PLCH1: variants seen among roughly 807,000 people sequenced by gnomAD.
The protein encoded by PLCH1 is phospholipase C eta 1, also known as 1-phosphatidylinositol 4,5-bisphosphate phosphodiesterase eta-1.
In PLCH1, 60 loss-of-function variants were observed where a neutral mutation model predicts 126.7. The observed-to-expected ratio is 0.47, with a 90% CI of 0.38 to 0.59. The LOEUF (loss-of-function observed/expected upper bound fraction) is 0.59, where lower values mean the gene tolerates loss of function less well. PLCH1 is among the 20% of genes least tolerant of loss of function. The pLI is 0.00. For synonymous variants in PLCH1, 719 were observed against 734.9 expected (o/e 0.98, Z 0.35); for missense variants, 1,723 against 2,040.0 (o/e 0.84, Z 2.99).
chr3:155,628,905 C>G (rs1232715548), intron 2 of PLCH1, among the ~76,000 whole-genome samples: 3 of 152,112 alleles, frequency 2.0e-5, no homozygotes, highest in South Asian at 4.1e-4. Context: ...CTTTAAAATT[C>G]CATATAATTT....
chr3:155,471,738 C>T (rs1713258245), intron 21 of PLCH1, among the ~76,000 whole-genome samples: 1 of 151,812 alleles, frequency 6.6e-6, no homozygotes, highest in Non-Finnish European at 1.5e-5. Context: ...TCTCAGACCA[C>T]AGTGCAATCA....
chr3:155,546,707 C>T (rs1361128470), intron 10 of PLCH1, among the ~76,000 whole-genome samples: 1 of 149,704 alleles, frequency 6.7e-6, no homozygotes, highest in Non-Finnish European at 1.5e-5. Context: ...ATCAATGGAA[C>T]AGAACAGAGC....
At chr3:155,487,224 G>A (rs1026382260) in intron 21 of PLCH1, 2 of 152,158 alleles carry the variant, frequency 1.3e-5, no homozygotes, top group Non-Finnish European at 2.9e-5. Flanking sequence ...GCTTTCTAAG[G>A]ATAAGATATA....
Position 155,482,036 on chromosome 3 carries a change from ATCAGGGGAAGAGGCAGGGCTGCAGCTCT to A in PLCH1, c.3962_3989del (p.Lys1321IlefsTer2), listed in dbSNP as rs777729928. The A allele has an allele frequency of 1.2e-6, 2 of 1,614,180 alleles. No homozygotes were observed. The highest frequency in any genetic ancestry group is 2.2e-5 in the South Asian group (2 of 91,078). ...CAGCTATTACATCCTCCAGGGTCAA[ATCAGGGGAAGAGGCAGGGCTGCAGCTCT>A]TCAGTGTTTCCCAGTCTTCTCCCTT... On this transcript the variant is annotated frameshift_variant, in exon 23 of 23. Transcript: ENST00000460012. LOFTEE classifies it low-confidence loss of function (END_TRUNC).
chr3:155,705,078 A>G (rs1168322250), intron 1 of PLCH1, among the ~76,000 whole-genome samples: 1 of 152,256 alleles, frequency 6.6e-6, no homozygotes, highest in Non-Finnish European at 1.5e-5. Context: ...TTCTGTTCAC[A>G]GAATAAAGCC....
At chr3:155,639,111 C>G (rs748021007) in intron 2 of PLCH1, among the ~76,000 whole-genome samples, 2 of 152,166 alleles carry the variant, frequency 1.3e-5, no homozygotes, top group South Asian at 4.2e-4. Flanking sequence ...AAAAAATTGA[C>G]AAGATATACC....
chr3:155,568,410 T>G (rs1728788488), intron 6 of PLCH1, 86 bp from the exon 7 acceptor site: 1 of 634,174 alleles, frequency 1.6e-6, no homozygotes, highest in Non-Finnish European at 2.8e-6. Flanking sequence ...TGATTTTGCA[T>G]TCTTCACACC....
chr3:155,458,789 C>G (rs949691479), intron 21 of PLCH1, among the ~76,000 whole-genome samples: 6 of 152,190 alleles, frequency 3.9e-5, no homozygotes, highest in Admixed American at 2.6e-4. Context: ...TTTGACCTCT[C>G]TGGAAATGTC....
intron 2 of PLCH1, among the ~76,000 whole-genome samples, chr3:155,625,976 C>A (rs1167355155): frequency 6.6e-6 from 1 of 152,154 alleles, no homozygotes; most frequent in East Asian, 1.9e-4. Context: ...TGGAACCAAC[C>A]CAAATGCCCA....
At chr3:155,543,261 T>C (rs1011951958) in intron 10 of PLCH1, among the ~76,000 whole-genome samples, 24 of 152,252 alleles carry the variant, frequency 1.6e-4, no homozygotes, top group African/African-American at 5.3e-4. Context: ...CAGGAGCCGA[T>C]GCAATCAATT....
Position 155,666,894 on chromosome 3 carries a change from GTGTGTGTGTGT to G in PLCH1, c.79+37241_79+37251del, listed in dbSNP as rs1742787799. Reference sequence around the variant, plus strand: ...AAGGAAATGATGAGACACAGATGAGGTGTGTGTGTGTGTGTGTGTGTGTGTGTGTGTGTGTG... The same window carrying G: ...AAGGAAATGATGAGACACAGATGAGGGTGTGTGTGTGTGTGTGTGTGTGTG... On this transcript the variant is annotated intron_variant, in intron 2 of 22. Coordinates refer to ENST00000460012, the MANE Select transcript of PLCH1 (RefSeq NM_014996.4). 2.3e-4 allele frequency among the ~76,000 whole-genome samples: 4 copies of G among 17,026 alleles called. 1 individual carries two copies. The South Asian group carries it at 9.9e-3, about 42-fold the overall frequency. 11.2% of individuals were successfully genotyped at this position (17,026 alleles called of 152,430 possible).
At chr3:155,563,633 C>CAAAA (rs11356535) in intron 8 of PLCH1, among the ~76,000 whole-genome samples, 1 of 139,290 alleles carries the variant, frequency 7.2e-6, no homozygotes, top group African/African-American at 2.8e-5. Flanking sequence ...ACACACATGT[C>CAAAA]AAAAAAAAAA....
intron 2 of PLCH1, among the ~76,000 whole-genome samples, chr3:155,655,429 G>GAA (rs369403290): frequency 0.013 from 1,895 of 145,668 alleles, 21 homozygotes; most frequent in East Asian, 0.035. Flanking sequence ...AGAAACTTGT[G>GAA]AGAAAAAAAA....
At chr3:155,627,104 G>A (rs976733601) in intron 2 of PLCH1, among the ~76,000 whole-genome samples, 2 of 152,168 alleles carry the variant, frequency 1.3e-5, no homozygotes, top group Non-Finnish European at 2.9e-5. Context: ...ATGTTAAAAA[G>A]CCATTGTGGA....
intron 2 of PLCH1, among the ~76,000 whole-genome samples, chr3:155,619,865 C>T (rs1173997086): frequency 6.6e-6 from 1 of 152,196 alleles, no homozygotes; most frequent in East Asian, 1.9e-4. Context: ...AAAAATCCAT[C>T]CTATAAACAA....
intron 21 of PLCH1, among the ~76,000 whole-genome samples, chr3:155,458,385 AGAAG>A (rs781003032): frequency 0.027 from 1,059 of 38,754 alleles, 28 homozygotes; most frequent in Non-Finnish European, 0.034. Context: ...AAAGAAAGAA[AGAAG>A]GAAGGAAGGA....
At chr3:155,478,620 T>C (rs1713651850), downstream of PLCH1, among the ~76,000 whole-genome samples, 1 of 152,054 alleles carries the variant, frequency 6.6e-6, no homozygotes, top group South Asian at 2.1e-4. Context: ...ATAATATGTG[T>C]TTTTTGTTTT....
chr3:155,501,817 C>G (rs1305385754), intron 13 of PLCH1, among the ~76,000 whole-genome samples: 1 of 151,990 alleles, frequency 6.6e-6, no homozygotes, highest in African/African-American at 2.4e-5. Context: ...ATAAACAATA[C>G]AAATGATGGG....
chr3:155,568,133 T>C (rs1205301337), intron 7 of PLCH1, 98 bp downstream of exon 7: 2 of 612,772 alleles, frequency 3.3e-6, no homozygotes, highest in South Asian at 2.1e-5. Context: ...TATAATCCCA[T>C]GGATATGTCC....
Sources: gnomAD v4.1 joint callset for allele counts (sites outside exome capture counted in the v4.1 genomes callset) on GRCh38, gnomAD v4.1.1 for gene constraint, MANE v1.5 for transcripts, NCBI Gene and HGNC (gene_info 2026-07-23, HGNC 2026-07-21) for gene names.